Variants in ANKRA2 observed in about 807,000 individuals in gnomAD.
ANKRA2 encodes ankyrin repeat family A member 2, also known as ankyrin repeat family A protein 2.
A neutral mutation model predicts 37.8 loss-of-function variants in ANKRA2; 33 were observed. That is an observed-to-expected ratio of 0.87 (90% CI 0.66 to 1.17). The LOEUF (loss-of-function observed/expected upper bound fraction) is 1.17, where lower values mean the gene tolerates loss of function less well. Among genes scored for constraint, ANKRA2 ranks in the 50% most tolerant of loss-of-function variants. The probability of loss-of-function intolerance (pLI) is 0.00; values close to 1 mark genes in which losing one functional copy is unlikely to be tolerated. For synonymous variants in ANKRA2, 126 were observed against 132.3 expected (o/e 0.95, Z 0.33); for missense variants, 326 against 373.7 (o/e 0.87, Z 1.05).
intron 1 of ANKRA2, among the ~76,000 whole-genome samples, chr5:73,564,173 A>G (rs1422763145): frequency 6.6e-6 from 1 of 152,174 alleles, no homozygotes; most frequent in Non-Finnish European, 1.5e-5. Flanking sequence ...AGGAAACCAG[A>G]AAAGAAAATT....
In ANKRA2 at chr5:73,552,519, C is replaced by T. The variant is rs1399535337; in HGVS notation, c.*278G>A. The T allele has an allele frequency of 3.7e-6, 1 of 272,898 alleles. No homozygotes were observed. The highest frequency in any genetic ancestry group is 8.7e-5 in the East Asian group (1 of 11,500). The allele number at this position is 272,898 out of a possible 1,614,324, so 16.9% of individuals were successfully genotyped here. ...AATAATTTCTGAAAATGTCAAATTA[C>T]AGCACTTGATACAAAGACTGATGAT... On this transcript the variant is annotated 3_prime_UTR_variant, in exon 9 of 9. Transcript: ENST00000296785.
chr5:73,554,852 C>T lies in ANKRA2; in HGVS notation c.738+9G>A. On this transcript the variant is annotated intron_variant, in intron 6 of 8. Transcript: ENST00000296785. ...TAGAGTCATTTTAAATTTAGTATTA[C>T]AAACTTACCCAATCATATTCATTTA... The T allele has an allele frequency of 6.2e-7, 1 of 1,609,916 alleles. No homozygotes were observed. Among genetic ancestry groups the T allele is most frequent in the Non-Finnish European group, 8.5e-7 (1 of 1,178,526 alleles).
At chr5:73,557,050 A>T (rs1043476056) in intron 4 of ANKRA2, among the ~76,000 whole-genome samples, 20 of 149,114 alleles carry the variant, frequency 1.3e-4, no homozygotes, top group Admixed American at 9.5e-4. Flanking sequence ...AATCTGCCCT[A>T]TAGATATACT....
At position 73,562,891 on chromosome 5, in the gene ANKRA2, T is replaced by C; in HGVS notation, c.-10A>G. 6.3e-7 allele frequency: 1 copy of C among 1,584,442 alleles called. No homozygotes were observed. On this transcript the variant is annotated 5_prime_UTR_variant, in exon 2 of 9. Transcript: ENST00000296785. ...TTGTTGATGTATCCATGATTTCAAC[T>C]GTAGTTTCAATAACTAAAACATTTC...
Position 73,554,404 on chromosome 5 carries a change from G to C in ANKRA2, c.739-16C>G. On this transcript the variant is annotated splice_polypyrimidine_tract_variant and intron_variant, in intron 6 of 8. Transcript: ENST00000296785. ...TTCCTCCATTCTGCAAAATGAAAAGGTGATTCAGAGTTTTTCACGGTGAGC... is the reference window on the plus strand; with the variant it reads ...TTCCTCCATTCTGCAAAATGAAAAGCTGATTCAGAGTTTTTCACGGTGAGC... 6.3e-7 allele frequency: 1 copy of C among 1,584,822 alleles called. No individual in the cohort carries two copies. Among genetic ancestry groups the C allele is most frequent in the Non-Finnish European group, 8.7e-7 (1 of 1,154,600 alleles).
chr5:73,557,498 CT>C, intron 4 of ANKRA2, 76 bp downstream of exon 4: 1 of 862,900 alleles, frequency 1.2e-6, no homozygotes, highest in Non-Finnish European at 1.5e-6. Flanking sequence ...TTAGGACTTT[CT>C]TATATTAAAA....
At position 73,554,307 on chromosome 5, in the gene ANKRA2, T is replaced by A; in HGVS notation, c.805+15A>T. 1.2e-6 allele frequency: 2 copies of A among 1,610,862 alleles called. No homozygotes were observed. The highest frequency in any genetic ancestry group is 1.7e-6 in the Non-Finnish European group (2 of 1,177,606). On this transcript the variant is annotated intron_variant, in intron 7 of 8. Coordinates refer to ENST00000296785, the MANE Select transcript of ANKRA2 (RefSeq NM_023039.5). The stretch of plus-strand genomic sequence containing the variant: ...AAGTCCTCACATGGCATTTTCTAAA[T>A]TTTTATCTGCTTACCTAAGAGCATC...
In ANKRA2 at chr5:73,562,789, T is replaced by C; in HGVS notation, c.93A>G (p.Lys31=). Residue 31 remains lysine, a synonymous_variant, in exon 2 of 9, where the codon AAA becomes AAG. Coordinates refer to ENST00000296785, the MANE Select transcript of ANKRA2 (RefSeq NM_023039.5). ...AATTTGGGTCCAGTGGATGTTCTAT[T>C]TTAATGTCTGGCATGCCAGTTAGGC... The part of the protein sequence containing the change: ...TYSLTGMPDI[K]IEHPLDPNSE... The C allele has an allele frequency of 6.2e-7, 1 of 1,614,200 alleles. No individual in the cohort carries two copies. The highest frequency in any genetic ancestry group is 8.5e-7 in the Non-Finnish European group (1 of 1,180,032).
chr5:73,557,091 AG>A (rs1170018804), intron 4 of ANKRA2, among the ~76,000 whole-genome samples: 5 of 92,928 alleles, frequency 5.4e-5, no homozygotes, highest in Non-Finnish European at 9.4e-5. Flanking sequence ...TTAAAACTTA[AG>A]GGGGGCAGTT....
chr5:73,554,173 T>C (rs551400430), intron 7 of ANKRA2, 149 bp downstream of exon 7: 2 of 695,090 alleles, frequency 2.9e-6, no homozygotes, highest in Middle Eastern at 3.3e-4. Context: ...TGGGCAACTT[T>C]TGGTGGCAGG....
intron 3 of ANKRA2, among the ~76,000 whole-genome samples, chr5:73,559,108 C>T (rs1226325014): frequency 6.6e-6 from 1 of 152,060 alleles, no homozygotes; most frequent in South Asian, 2.1e-4. Context: ...CAATTGGTGT[C>T]CTATGCAAAT....
chr5:73,555,499 GGAAC>G lies in ANKRA2; in HGVS notation c.597_600del (p.Glu199AspfsTer12), dbSNP rs1378287581. 1 of 1,613,156 alleles carries G rather than the reference GGAAC, an allele frequency of 6.2e-7. No individual in the cohort carries two copies. The highest frequency in any genetic ancestry group is 2.2e-5 in the East Asian group (1 of 44,888). Reference sequence around the variant, plus strand: ...GGCATTTTCCTTACATTCTGAAGTAGGAACTCTACCACAGCTATTTGCCCGTGTG... The same window carrying G: ...GGCATTTTCCTTACATTCTGAAGTAGTCTACCACAGCTATTTGCCCGTGTG... On this transcript the variant is annotated frameshift_variant, in exon 5 of 9. Transcript: ENST00000296785. LOFTEE classifies it high-confidence loss of function.
chr5:73,562,737 C>T lies in ANKRA2; in HGVS notation c.145G>A (p.Ala49Thr), dbSNP rs1156361547. ...NSEEGSAQGV[A>T]MGMKFILPNR... ...GGCAATATGAATTTCATTCCCATGG[C>T]AACACCCTGAGCTGACCCTTCTTCT... Residue 49 changes from alanine (A) to threonine (T), a missense_variant, in exon 2 of 9, where the codon GCC (alanine) becomes ACC (threonine). Physicochemically the swap from Ala to Thr is moderately conservative, Grantham distance 58 (BLOSUM62 0). Transcript: ENST00000296785. 3 of 1,614,078 alleles carry T rather than the reference C, an allele frequency of 1.9e-6. No homozygotes were observed. The South Asian group carries it at 3.3e-5, about 18-fold the overall frequency.
chr5:73,552,827 C>T lies in ANKRA2; in HGVS notation c.912G>A (p.Leu304=). 1 of 1,607,414 alleles carries T rather than the reference C, an allele frequency of 6.2e-7. No homozygotes were observed. Among genetic ancestry groups the T allele is most frequent in the Non-Finnish European group, 8.5e-7 (1 of 1,175,014 alleles). Residue 304 remains leucine, a synonymous_variant, in exon 9 of 9, where the codon TTG becomes TTA. Coordinates refer to ENST00000296785, the MANE Select transcript of ANKRA2 (RefSeq NM_023039.5). The stretch of plus-strand genomic sequence containing the variant: ...CCTTGATATTTTGAAGCAGCTTCAA[C>T]AAATGTGACTCAATAACCTGTTGAA... ...RSVQQVIESH[L]LKLLQNIKE is the part of the protein sequence containing the mutation.
chr5:73,554,547 TATG>T (rs1170119982), intron 6 of ANKRA2, 159 bp from the exon 7 acceptor site: 2 of 586,780 alleles, frequency 3.4e-6, no homozygotes, highest in Non-Finnish European at 5.9e-6. Context: ...TAATTGAGTC[TATG>T]ATATTAACTT....
chr5:73,552,230 T>C lies in ANKRA2; in HGVS notation c.*567A>G, dbSNP rs183540256. 1 of 152,486 alleles carries C rather than the reference T, an allele frequency of 6.6e-6. No homozygotes were observed. 9.4% of individuals were successfully genotyped at this position (152,486 alleles called of 1,614,324 possible). ...AGATTCAGTTTATTTTAATTACATA[T>C]ATTGTTTGATCTAATGAAGTGTTAC... On this transcript the variant is annotated 3_prime_UTR_variant, in exon 9 of 9. Transcript: ENST00000296785.
chr5:73,557,517 A>G, intron 4 of ANKRA2, 58 bp downstream of exon 4: 1 of 1,242,606 alleles, frequency 8.0e-7, no homozygotes, highest in Non-Finnish European at 1.1e-6. Context: ...AAATAAAACA[A>G]TAACAAATCT....
At chr5:73,564,806 T>C (rs997892635) in intron 1 of ANKRA2, among the ~76,000 whole-genome samples, 2 of 152,028 alleles carry the variant, frequency 1.3e-5, no homozygotes, top group African/African-American at 4.8e-5. Context: ...ACGCTTATCT[T>C]GGCACAGCAG....
At position 73,554,955 on chromosome 5, in the gene ANKRA2, C is replaced by T. The variant is rs577768694; in HGVS notation, c.644G>A (p.Arg215Gln). The T allele has an allele frequency of 6.8e-6, 11 of 1,613,588 alleles. No individual in the cohort carries two copies. The highest frequency in any genetic ancestry group is 3.3e-5 in the Admixed American group (2 of 59,950). Reference protein sequence around the residue: ...GADPQLLGKGRESALSLACSK... With the variant: ...GADPQLLGKGQESALSLACSK... ...ACAGGCCAACGACAGTGCACTTTCT[C>T]GACCTTTTCCTAAAAGTTGGGGATC... The change falls in exon 6 of 9, where the codon CGA (arginine) becomes CAA (glutamine). Residue 215 changes from arginine to glutamine, a missense_variant. This residue lies in a region of ANKRA2 where 228 missense variants were observed against 260.2 expected (regional missense o/e 0.88). Transcript: ENST00000296785.
Sources: allele counts gnomAD v4.1 joint callset (sites outside exome capture counted in the v4.1 genomes callset), GRCh38; gene constraint gnomAD v4.1.1; regional missense constraint gnomAD v4.1.1; transcripts MANE v1.5; gene names NCBI Gene and HGNC (gene_info 2026-07-23, HGNC 2026-07-21).